Variants in RGS6 observed in about 807,000 individuals in gnomAD.
RGS6 encodes regulator of G-protein signaling 6.
Under a neutral mutation model 78.5 loss-of-function variants are expected in RGS6, and 30 were observed. That is an observed-to-expected ratio of 0.38 (90% CI 0.29 to 0.52). RGS6 has a LOEUF of 0.52. Ranked by LOEUF, RGS6 falls within the 20% of genes least tolerant of loss-of-function variation. The probability of loss-of-function intolerance (pLI) is 0.85; values close to 1 mark genes in which losing one functional copy is unlikely to be tolerated. For synonymous variants in RGS6, 206 were observed against 206.0 expected (o/e 1.00, Z 0.00); for missense variants, 495 against 609.7 (o/e 0.81, Z 1.98).
intron 2 of RGS6, among the ~76,000 whole-genome samples, chr14:72,119,428 G>C (rs1185389548): frequency 1.3e-5 from 2 of 152,154 alleles, no homozygotes; most frequent in Non-Finnish European, 2.9e-5. Flanking sequence ...AGTTTTGTTG[G>C]GGGCAGGATT....
In RGS6 at chr14:72,169,876, G is replaced by A. The variant is rs148143633; in HGVS notation, c.85-182219G>A. Among the ~76,000 whole-genome samples, 460 of 152,320 alleles carry A rather than the reference G, an allele frequency of 3.0e-3. 2 individuals carry two copies. Among genetic ancestry groups the A allele is most frequent in the African/African-American group, 0.011 (448 of 41,572 alleles). ...CAGAATCTTTAACCTTCTCCTAGGT[G>A]TAGGGAATCCGAATCTGCATTTTAC... On this transcript the variant is annotated intron_variant, in intron 2 of 17. Coordinates refer to ENST00000553525, the MANE Select transcript of RGS6 (RefSeq NM_001204424.2).
chr14:72,241,455 TTCTC>T (rs1204896658), intron 2 of RGS6, among the ~76,000 whole-genome samples: 1 of 152,192 alleles, frequency 6.6e-6, no homozygotes, highest in East Asian at 1.9e-4. Flanking sequence ...ATTCCTTTTT[TTCTC>T]TCTCTCTTAT....
At chr14:72,554,423 T>C (rs1666735099) in intron 17 of RGS6, among the ~76,000 whole-genome samples, 1 of 152,240 alleles carries the variant, frequency 6.6e-6, no homozygotes, top group Non-Finnish European at 1.5e-5. Context: ...CCCGTAGTCA[T>C]AGTCAAGGGT....
chr14:71,933,968 A>T (rs2088447679), intron 1 of RGS6, among the ~76,000 whole-genome samples: 1 of 152,194 alleles, frequency 6.6e-6, no homozygotes, highest in South Asian at 2.1e-4. Context: ...GGAAACTGTT[A>T]GGTTTAGTTA....
chr14:72,425,682 T>C (rs892437421), intron 3 of RGS6, among the ~76,000 whole-genome samples: 1 of 152,176 alleles, frequency 6.6e-6, no homozygotes, highest in Non-Finnish European at 1.5e-5. Context: ...GCCTAGCACA[T>C]GTACGTACTT....
chr14:72,501,974 T>C (rs918826725), intron 13 of RGS6, among the ~76,000 whole-genome samples: 1 of 152,018 alleles, frequency 6.6e-6, no homozygotes, highest in African/African-American at 2.4e-5. Context: ...CTTATGGTGG[T>C]GGATCTCCAA....
chr14:72,242,760 G>A (rs1278080219), intron 2 of RGS6, among the ~76,000 whole-genome samples: 1 of 151,698 alleles, frequency 6.6e-6, no homozygotes, highest in African/African-American at 2.4e-5. Flanking sequence ...GTATGGACAA[G>A]GGTGAATAGT....
At chr14:72,626,072 A>G in the RGS6 span, among the ~76,000 whole-genome samples, 8 of 152,310 alleles carry the variant, frequency 5.3e-5, no homozygotes, top group Admixed American at 5.2e-4. Context: ...ACTCTTCGGT[A>G]TAGTTACATT....
chr14:72,543,790 C>G (rs1027144527), intron 17 of RGS6, among the ~76,000 whole-genome samples: 1 of 152,250 alleles, frequency 6.6e-6, no homozygotes, highest in Non-Finnish European at 1.5e-5. Flanking sequence ...GCCTGGAGTG[C>G]AGTGGCACAA....
chr14:71,989,052 C>G (rs548557431), intron 2 of RGS6, among the ~76,000 whole-genome samples: 1 of 152,224 alleles, frequency 6.6e-6, no homozygotes, highest in Admixed American at 6.5e-5. Context: ...ATTCCACTTG[C>G]TGGCTGGCTA....
chr14:72,339,957 G>A (rs1437046151), intron 2 of RGS6, among the ~76,000 whole-genome samples: 7 of 152,064 alleles, frequency 4.6e-5, no homozygotes, highest in East Asian at 3.9e-4. Context: ...CCTTCTTTGC[G>A]GCCCTCCTGG....
At chr14:72,391,760 C>A (rs755310460) in intron 3 of RGS6, among the ~76,000 whole-genome samples, 2 of 152,184 alleles carry the variant, frequency 1.3e-5, no homozygotes, top group Admixed American at 6.5e-5. Flanking sequence ...GCCTCCACCC[C>A]CTGACAGGCC....
chr14:72,206,382 G>C (rs2042711935), intron 2 of RGS6, among the ~76,000 whole-genome samples: 1 of 152,118 alleles, frequency 6.6e-6, no homozygotes, highest in African/African-American at 2.4e-5. Context: ...GCAAGTCGTA[G>C]AGCAATATTT....
At chr14:72,500,176 T>C (rs1385255816) in intron 13 of RGS6, among the ~76,000 whole-genome samples, 1 of 152,236 alleles carries the variant, frequency 6.6e-6, no homozygotes, top group African/African-American at 2.4e-5. Context: ...AAGGAGGTGC[T>C]ACCTGCCCCC....
intron 2 of RGS6, among the ~76,000 whole-genome samples, chr14:71,965,370 A>C (rs563111985): frequency 3.3e-5 from 5 of 152,340 alleles, no homozygotes; most frequent in Admixed American, 1.3e-4. Flanking sequence ...TCAGAGGAGG[A>C]GGCCAGTTCT....
At chr14:71,937,441 A>G (rs2089664429) in intron 1 of RGS6, among the ~76,000 whole-genome samples, 1 of 152,164 alleles carries the variant, frequency 6.6e-6, no homozygotes, top group Non-Finnish European at 1.5e-5. Context: ...GAGAAACAGT[A>G]CCATATATTG....
the RGS6 span, among the ~76,000 whole-genome samples, chr14:72,622,888 C>CA: frequency 3.9e-5 from 6 of 152,154 alleles, no homozygotes; most frequent in East Asian, 5.8e-4. Flanking sequence ...GCCAAGTCAA[C>CA]AAAAAAATCC....
At chr14:72,559,409 C>CTAG (rs2097639110) in intron 17 of RGS6, among the ~76,000 whole-genome samples, 1 of 152,068 alleles carries the variant, frequency 6.6e-6, no homozygotes, top group African/African-American at 2.4e-5. Context: ...CAGGCATCTA[C>CTAG]CCATGCCCGC....
chr14:72,192,793 G>A (rs1022777810), intron 2 of RGS6, among the ~76,000 whole-genome samples: 6 of 152,006 alleles, frequency 3.9e-5, no homozygotes, highest in African/African-American at 1.2e-4. Flanking sequence ...TTTTCACCAC[G>A]AGGGACTCAA....
Sources: allele counts gnomAD v4.1 joint callset (sites outside exome capture counted in the v4.1 genomes callset), GRCh38; gene constraint gnomAD v4.1.1; transcripts MANE v1.5; gene names NCBI Gene and HGNC (gene_info 2026-07-23, HGNC 2026-07-21).